Variants in SYT1 observed in about 807,000 individuals in gnomAD.
SYT1 encodes synaptotagmin-1.
SYT1 carries 8 observed loss-of-function variants against 44.8 expected under a neutral mutation model. The ratio of observed to expected loss-of-function variants is 0.18; its 90% CI spans 0.10 to 0.32. The LOEUF is 0.32. Among genes scored for constraint, SYT1 ranks in the 10% least tolerant of loss-of-function variants. The pLI, the probability that SYT1 is intolerant of heterozygous loss-of-function variation, is 1.00. For synonymous variants in SYT1, 154 were observed against 188.8 expected (o/e 0.82, Z 1.51); for missense variants, 286 against 509.3 (o/e 0.56, Z 4.22).
intron 4 of SYT1, among the ~76,000 whole-genome samples, chr12:79,244,650 G>C (rs1672946844): frequency 1.3e-5 from 2 of 151,384 alleles, no homozygotes; most frequent in Non-Finnish European, 2.9e-5. Flanking sequence ...GTTGCAGTGA[G>C]CCAGGATCAC....
At chr12:79,279,556 G>A (rs1191446249) in intron 4 of SYT1, among the ~76,000 whole-genome samples, 4 of 151,968 alleles carry the variant, frequency 2.6e-5, no homozygotes, top group Non-Finnish European at 4.4e-5. Flanking sequence ...CATACTGAAT[G>A]AGGGCAAAGT....
chr12:79,149,846 C>T (rs1173645261), intron 3 of SYT1, among the ~76,000 whole-genome samples: 2 of 152,130 alleles, frequency 1.3e-5, no homozygotes, highest in Non-Finnish European at 2.9e-5. Flanking sequence ...TACACTGGCC[C>T]CACACCTTCT....
intron 7 of SYT1, among the ~76,000 whole-genome samples, chr12:79,296,759 C>A (rs1405210772): frequency 3.3e-5 from 5 of 152,030 alleles, no homozygotes; most frequent in African/African-American, 1.2e-4. Flanking sequence ...AGCCTTCTTC[C>A]TTTACTCTAG....
At chr12:78,966,359 C>A (rs1003509919) in intron 1 of SYT1, among the ~76,000 whole-genome samples, 3 of 151,778 alleles carry the variant, frequency 2.0e-5, no homozygotes, top group Non-Finnish European at 4.4e-5. Context: ...GATTGGTACC[C>A]TTATCATCAT....
chr12:79,289,776 C>T (rs1658526640), intron 5 of SYT1, among the ~76,000 whole-genome samples: 1 of 151,870 alleles, frequency 6.6e-6, no homozygotes, highest in African/African-American at 2.4e-5. Flanking sequence ...GGCAAATTAC[C>T]GAAGCTGCAA....
chr12:79,170,842 T>A (rs1164203235), intron 3 of SYT1, among the ~76,000 whole-genome samples: 1 of 152,124 alleles, frequency 6.6e-6, no homozygotes, highest in African/African-American at 2.4e-5. Context: ...GGTTTTACAC[T>A]TAAGACTTTA....
chr12:79,336,653 G>A (rs1882104291), intron 8 of SYT1, among the ~76,000 whole-genome samples: 3 of 151,980 alleles, frequency 2.0e-5, no homozygotes, highest in Non-Finnish European at 2.9e-5. Flanking sequence ...ATTGAGACAG[G>A]ATCTCAGTCT....
intron 8 of SYT1, among the ~76,000 whole-genome samples, chr12:79,312,132 C>T (rs1880836713): frequency 6.6e-6 from 1 of 151,718 alleles, no homozygotes. Flanking sequence ...AACCATTTGC[C>T]TTCTGGGGAA....
intron 1 of SYT1, among the ~76,000 whole-genome samples, chr12:78,878,252 GA>G (rs1408347129): frequency 6.6e-6 from 1 of 151,652 alleles, no homozygotes; most frequent in Non-Finnish European, 1.5e-5. Context: ...CTAGTCTATG[GA>G]AAAAATAGAC....
intron 3 of SYT1, among the ~76,000 whole-genome samples, chr12:79,144,677 A>G (rs1211350101): frequency 1.3e-5 from 2 of 152,192 alleles, no homozygotes; most frequent in African/African-American, 4.8e-5. Context: ...AAACCTCTTC[A>G]CACCCTGGCT....
At chr12:79,328,314 T>C (rs1050250900) in intron 8 of SYT1, among the ~76,000 whole-genome samples, 5 of 152,166 alleles carry the variant, frequency 3.3e-5, no homozygotes, top group Non-Finnish European at 5.9e-5. Flanking sequence ...ATAAATGAAA[T>C]TACAGGAAGA....
intron 9 of SYT1, among the ~76,000 whole-genome samples, chr12:79,406,286 G>A (rs1367322415): frequency 6.6e-6 from 1 of 152,100 alleles, no homozygotes; most frequent in East Asian, 1.9e-4. Context: ...TGCAGGTTAA[G>A]CACTATCTCA....
At chr12:79,012,064 G>A (rs1018551785) in intron 2 of SYT1, among the ~76,000 whole-genome samples, 2 of 151,076 alleles carry the variant, frequency 1.3e-5, no homozygotes, top group Non-Finnish European at 2.9e-5. Context: ...TCCAGGAGGC[G>A]GGAGCAGTAG....
chr12:79,306,564 A>G (rs562179634), intron 8 of SYT1, among the ~76,000 whole-genome samples: 1 of 152,230 alleles, frequency 6.6e-6, no homozygotes, highest in Non-Finnish European at 1.5e-5. Context: ...CATTAACATC[A>G]TTACATGGTC....
chr12:79,385,331 G>GA (rs1884394669), intron 9 of SYT1, among the ~76,000 whole-genome samples: 1 of 152,010 alleles, frequency 6.6e-6, no homozygotes, highest in Non-Finnish European at 1.5e-5. Flanking sequence ...ATCAAAAAAA[G>GA]ATTTTTTTTT....
intron 3 of SYT1, among the ~76,000 whole-genome samples, chr12:79,058,693 A>G (rs1565786557): frequency 6.6e-6 from 1 of 152,058 alleles, no homozygotes; most frequent in Non-Finnish European, 1.5e-5. Context: ...AAATAAACAA[A>G]TAACTTAAGG....
chr12:79,328,669 AC>A (rs2139004235), intron 8 of SYT1, among the ~76,000 whole-genome samples: 1 of 152,152 alleles, frequency 6.6e-6, no homozygotes, highest in Non-Finnish European at 1.5e-5. Flanking sequence ...ACACAGTGAA[AC>A]CCCGTCTCTA....
At chr12:78,922,503 T>A (rs184775685) in intron 1 of SYT1, among the ~76,000 whole-genome samples, 6 of 151,976 alleles carry the variant, frequency 3.9e-5, no homozygotes, top group African/African-American at 7.2e-5. Flanking sequence ...AAAAAAATTC[T>A]CAGACTGTAT....
chr12:78,921,121 A>G (rs1876969279), intron 1 of SYT1, among the ~76,000 whole-genome samples: 2 of 152,106 alleles, frequency 1.3e-5, no homozygotes, highest in South Asian at 4.1e-4. Context: ...ATTTTAGTAC[A>G]GTTGTATAGT....
Sources: allele counts gnomAD v4.1 joint callset (sites outside exome capture counted in the v4.1 genomes callset), GRCh38; gene constraint gnomAD v4.1.1; transcripts MANE v1.5; gene names NCBI Gene and HGNC (gene_info 2026-07-23, HGNC 2026-07-21).